COL4A6: variants seen among roughly 807,000 people sequenced by gnomAD.
COL4A6 encodes collagen type IV alpha 6 chain, also known as collagen alpha-6(IV) chain.
A neutral mutation model predicts 126.7 loss-of-function variants in COL4A6; 59 were observed. That is an observed-to-expected ratio of 0.47 (90% CI 0.38 to 0.58). The LOEUF (loss-of-function observed/expected upper bound fraction) is 0.58, where lower values mean the gene tolerates loss of function less well. COL4A6 is among the 20% of genes least tolerant of loss of function. The pLI, the probability that COL4A6 is intolerant of heterozygous loss-of-function variation, is 0.00. For missense variants in COL4A6, 1,285 were observed against 1,337.3 expected (o/e 0.96, Z 0.61); for synonymous variants, 547 against 496.6 (o/e 1.10, Z -1.35).
At chrX:108,293,111 T>C (rs1173556737) in intron 3 of COL4A6, among the ~76,000 whole-genome samples, 1 of 109,258 alleles carries the variant, frequency 9.2e-6, no homozygotes, top group Non-Finnish European at 1.9e-5. Context: ...TCTCCAAGCC[T>C]TTGGTTGCCA....
chrX:108,194,738 C>A, intron 15 of COL4A6, 151 bp from the exon 16 acceptor site: 1 of 556,685 alleles, frequency 1.8e-6, no homozygotes, highest in East Asian at 3.4e-5. Flanking sequence ...GCTGTAAAAT[C>A]TTCCAGAAGA....
chrX:108,397,196 G>A (rs772635908), intron 2 of COL4A6, among the ~76,000 whole-genome samples: 1 of 111,406 alleles, frequency 9.0e-6, no homozygotes, highest in East Asian at 2.8e-4. Flanking sequence ...AGAACAGTAT[G>A]TTTGTTAATG....
intron 7 of COL4A6, among the ~76,000 whole-genome samples, chrX:108,211,088 T>C (rs977426797): frequency 8.9e-6 from 1 of 111,830 alleles, no homozygotes; most frequent in Non-Finnish European, 1.9e-5. Context: ...GAGCCAGGGT[T>C]TACTTAGGCC....
intron 3 of COL4A6, among the ~76,000 whole-genome samples, chrX:108,309,678 A>T (rs943204616): frequency 9.0e-6 from 1 of 110,572 alleles, no homozygotes; most frequent in Non-Finnish European, 1.9e-5. Context: ...TGGTTGACCT[A>T]TTTATAGTAC....
chrX:108,429,263 G>A (rs2064139780), intron 2 of COL4A6, among the ~76,000 whole-genome samples: 1 of 112,134 alleles, frequency 8.9e-6, no homozygotes, highest in Non-Finnish European at 1.9e-5. Flanking sequence ...GGAATTGACT[G>A]CAAAAAGTGT....
chrX:108,307,337 A>G (rs1466638643), intron 3 of COL4A6, among the ~76,000 whole-genome samples: 3 of 112,069 alleles, frequency 2.7e-5, no homozygotes, highest in Non-Finnish European at 3.8e-5. Flanking sequence ...GTCACTTACC[A>G]GTTTCTTTAT....
chrX:108,165,843 T>C, intron 37 of COL4A6, among the ~76,000 whole-genome samples: 1 of 112,722 alleles, frequency 8.9e-6, no homozygotes, highest in Non-Finnish European at 1.9e-5. Flanking sequence ...ATTTTAAACC[T>C]GTCTGTGTCA....
At chrX:108,242,606 T>C (rs1348219883) in intron 3 of COL4A6, among the ~76,000 whole-genome samples, 2 of 112,459 alleles carry the variant, frequency 1.8e-5, no homozygotes, top group Non-Finnish European at 3.8e-5. Context: ...TGCAAATAAA[T>C]GGTTTTTAGA....
At chrX:108,244,278 G>T (rs2036656829) in intron 3 of COL4A6, among the ~76,000 whole-genome samples, 1 of 111,360 alleles carries the variant, frequency 9.0e-6, no homozygotes, top group Non-Finnish European at 1.9e-5. Flanking sequence ...AATTCCATCA[G>T]AAAAGAATAT....
intron 35 of COL4A6, 90 bp from the exon 36 acceptor site, chrX:108,170,106 G>A (rs997382706): frequency 1.7e-5 from 13 of 763,682 alleles, no homozygotes; most frequent in African/African-American, 1.7e-4. Context: ...AAGGCATTGC[G>A]AGGTCCTTAT....
intron 2 of COL4A6, among the ~76,000 whole-genome samples, chrX:108,329,772 TTA>T (rs1206349276): frequency 9.0e-6 from 1 of 111,024 alleles, no homozygotes; most frequent in Non-Finnish European, 1.9e-5. Flanking sequence ...AAGTTTTATT[TTA>T]TGTTTGGGAT....
chrX:108,281,306 A>G (rs1336812131), intron 3 of COL4A6, among the ~76,000 whole-genome samples: 1 of 89,410 alleles, frequency 1.1e-5, no homozygotes, highest in Non-Finnish European at 2.2e-5. Flanking sequence ...GTCTCAGGAT[A>G]CAAAATCAAT....
At chrX:108,202,798 C>T (rs367598645) in intron 13 of COL4A6, 130 bp downstream of exon 13, 10 of 552,753 alleles carry the variant, frequency 1.8e-5, no homozygotes, top group African/African-American at 1.2e-4. Context: ...CCTTAAATAC[C>T]TTCTAATAAT....
In COL4A6 at chrX:108,209,972, G is replaced by T; in HGVS notation, c.543C>A (p.Ile181=). Residue 181 remains isoleucine (I), a synonymous_variant, in exon 8 of 45, where the codon ATC becomes ATA. Transcript: ENST00000334504. ...CAACACATAAATAACAACTTACAGT[G>T]ATTCCATCCAGTCCAGGCAGCCCAG... ...GDPGLPGLDG[I]TGPQGAPGFP... is the part of the protein sequence containing the mutation. The T allele has an allele frequency of 8.3e-7, 1 of 1,209,626 alleles. No individual in the cohort carries two copies. The highest frequency in any genetic ancestry group is 1.1e-6 in the Non-Finnish European group (1 of 894,338).
intron 2 of COL4A6, among the ~76,000 whole-genome samples, chrX:108,342,021 T>C (rs1326847961): frequency 8.9e-6 from 1 of 112,121 alleles, no homozygotes; most frequent in Non-Finnish European, 1.9e-5. Flanking sequence ...GTTGGAAATA[T>C]TGAAAATGTG....
At chrX:108,371,856 GAAAAAAAAAAA>G (rs34557947) in intron 2 of COL4A6, among the ~76,000 whole-genome samples, 1 of 50,615 alleles carries the variant, frequency 2.0e-5, no homozygotes, top group Admixed American at 2.5e-4. Flanking sequence ...CAATATGAAG[GAAAAAAAAAAA>G]AAAAAAAAAG....
chrX:108,239,053 C>T (rs1437395375), intron 3 of COL4A6, among the ~76,000 whole-genome samples: 1 of 112,081 alleles, frequency 8.9e-6, no homozygotes, highest in Non-Finnish European at 1.9e-5. Flanking sequence ...GTGTCTTCTG[C>T]CTTTTTCTTG....
chrX:108,352,333 T>C (rs1402327136), intron 2 of COL4A6, among the ~76,000 whole-genome samples: 1 of 112,698 alleles, frequency 8.9e-6, no homozygotes, highest in Non-Finnish European at 1.9e-5. Context: ...AAGTGGGCTT[T>C]TACATTGCCA....
chrX:108,224,789 G>A (rs2036119558), intron 3 of COL4A6, among the ~76,000 whole-genome samples: 1 of 111,570 alleles, frequency 9.0e-6, no homozygotes, highest in East Asian at 2.8e-4. Context: ...TACCCATACA[G>A]CTAAAGCTTA....
Sources: allele counts gnomAD v4.1 joint callset (sites outside exome capture counted in the v4.1 genomes callset), GRCh38; gene constraint gnomAD v4.1.1; transcripts MANE v1.5; gene names NCBI Gene and HGNC (gene_info 2026-07-23, HGNC 2026-07-21).